ARRDC2: variants seen among roughly 807,000 people sequenced by gnomAD.
The protein encoded by ARRDC2 is arrestin domain-containing protein 2.
In ARRDC2, 39 loss-of-function variants were observed where a neutral mutation model predicts 38.9. That is an observed-to-expected ratio of 1.00 (90% CI 0.78 to 1.31). The LOEUF (loss-of-function observed/expected upper bound fraction) is 1.31. Among genes scored for constraint, ARRDC2 ranks in the 50% most tolerant of loss-of-function variants. ARRDC2 has a pLI of 0.00. For synonymous variants in ARRDC2, 300 were observed against 261.9 expected, an observed-to-expected ratio of 1.15 and a Z score of -1.41; for missense variants, 553 against 588.4, an observed-to-expected ratio of 0.94 and a Z score of 0.62.
At chr19:18,011,140 G>A (rs2033403672) in intron 7 of ARRDC2, among the ~76,000 whole-genome samples, 1 of 152,184 alleles carries the variant, frequency 6.6e-6, no homozygotes. Context: ...TGGGATTACA[G>A]GTGTTAGCCA....
At position 18,008,403 on chromosome 19, in the gene ARRDC2, G is replaced by A. The variant is rs2033328102; in HGVS notation, c.93G>A (p.Ala31=). The change falls in exon 1 of 8, where the codon GCG becomes GCA. Residue 31 remains alanine (A), a synonymous_variant. Coordinates refer to ENST00000222250, the MANE Select transcript of ARRDC2 (RefSeq NM_015683.2). ...TGTTTAGCGGCGGCCAGGCCGTGGCGGGCCGGGTGCTGCTGGAGCTGTCAA... is the reference window on the plus strand; with the variant it reads ...TGTTTAGCGGCGGCCAGGCCGTGGCAGGCCGGGTGCTGCTGGAGCTGTCAA... ...EPVFSGGQAV[A]GRVLLELSSA... is the part of the protein sequence containing the mutation. The A allele has an allele frequency of 1.3e-6, 2 of 1,594,776 alleles. No homozygotes were observed. The highest frequency in any genetic ancestry group is 2.7e-5 in the African/African-American group (2 of 74,490).
chr19:18,007,387 G>C (rs1215886429), upstream of ARRDC2: 3 of 152,376 alleles, frequency 2.0e-5, no homozygotes, highest in Non-Finnish European at 1.5e-5. Context: ...GTTTGCCAGA[G>C]GCTGAAAATT....
chr19:18,008,121 A>AAAAAAACCGCCCCCCCCCCCC, upstream of ARRDC2: 1 of 364,080 alleles, frequency 2.7e-6, no homozygotes, highest in Non-Finnish European at 4.2e-6. Flanking sequence ...CGGTGACCCC[A>AAAAAAACCGCCCCCCCCCCCC]CCCCCCCCCG....
At chr19:18,008,041 T>C (rs951240892), upstream of ARRDC2, 3 of 966,980 alleles carry the variant, frequency 3.1e-6, no homozygotes, top group Non-Finnish European at 4.2e-6. Context: ...GTTATTTTGC[T>C]CCACGCCTGG....
upstream of ARRDC2, among the ~76,000 whole-genome samples, chr19:18,004,984 CA>C (rs1165390317): frequency 4.9e-4 from 66 of 134,088 alleles, 1 homozygote; most frequent in Admixed American, 9.7e-4. Context: ...GATCCTGTCT[CA>C]AAAAAAAAAA....
At position 18,013,110 on chromosome 19, in the gene ARRDC2, G is replaced by A. The variant is rs1379751338; in HGVS notation, c.*144G>A. On this transcript the variant is annotated 3_prime_UTR_variant, in exon 8 of 8. Coordinates refer to ENST00000222250, the MANE Select transcript of ARRDC2 (RefSeq NM_015683.2). ...TCTCAGAGTGAGGCGGGGGCCTTTC[G>A]GATATCACATGGGACAGAGGAAGAG... The A allele has an allele frequency of 7.4e-6, 6 of 808,098 alleles. No homozygotes were observed. In the Admixed American group the frequency reaches 7.5e-5, roughly 10 times the overall value. The allele number at this position is 808,098 out of a possible 1,614,324, so 50.1% of individuals were successfully genotyped here.
At chr19:18,001,371 C>T in exon 1 of ARRDC2, 4 of 1,202,500 alleles carry the variant, frequency 3.3e-6, no homozygotes, top group Non-Finnish European at 4.1e-6. Flanking sequence ...GCCCGGGCGG[C>T]GCCTACCGCG....
At chr19:18,007,913 C>A, upstream of ARRDC2, 1 of 307,928 alleles carries the variant, frequency 3.2e-6, no homozygotes, top group Non-Finnish European at 6.0e-6. Context: ...CTCTGCACCT[C>A]TTTTTTTCCT....
intron 7 of ARRDC2, 97 bp from the exon 8 acceptor site, chr19:18,012,816 T>G (rs1599403184): frequency 7.5e-7 from 1 of 1,330,532 alleles, no homozygotes; most frequent in East Asian, 2.4e-5. Context: ...TCATCCCTGG[T>G]CAAGGGCGGG....
chr19:18,004,245 C>CTT (rs34248029), upstream of ARRDC2, among the ~76,000 whole-genome samples: 5,356 of 114,720 alleles, frequency 0.047, 212 homozygotes, highest in East Asian at 0.12. Flanking sequence ...GCCGGGCTAA[C>CTT]TTTTTTTTTT....
In ARRDC2 at chr19:18,009,881, G is replaced by A; in HGVS notation, c.691G>A (p.Gly231Ser). 1 of 1,611,160 alleles carries A rather than the reference G, an allele frequency of 6.2e-7. No individual in the cohort carries two copies. The highest frequency in any genetic ancestry group is 1.7e-5 in the Admixed American group (1 of 60,002). Residue 231 changes from glycine (G) to serine (S), a missense_variant, in exon 5 of 8, where the codon GGC becomes AGC. Coordinates refer to ENST00000222250, the MANE Select transcript of ARRDC2 (RefSeq NM_015683.2). ...VVQTQTFMAR[G>S]ARKQKRAVVA... Reference sequence around the variant, plus strand: ...GCAGACACAGACGTTCATGGCCCGAGGCGCCCGAAAGCAGAAACGGGCAGT... The same window carrying A: ...GCAGACACAGACGTTCATGGCCCGAAGCGCCCGAAAGCAGAAACGGGCAGT...
At chr19:18,008,134 C>CCCCCCCCAAAAAAA, upstream of ARRDC2, 1 of 1,301,148 alleles carries the variant, frequency 7.7e-7, no homozygotes, top group Non-Finnish European at 9.9e-7. Flanking sequence ...CCCCCCCGCC[C>CCCCCCCCAAAAAAA]TGCCGTATAA....
Position 18,008,982 on chromosome 19 carries a change from C to T in ARRDC2, c.353C>T (p.Thr118Ile). 1.9e-6 allele frequency: 3 copies of T among 1,613,694 alleles called. No homozygotes were observed. The highest frequency in any genetic ancestry group is 2.2e-5 in the East Asian group (1 of 44,874). ...FSFQLPPTLV[T>I]SFEGKHGSVR... Reference sequence around the variant, plus strand: ...TCCCTCCACCCTAGGACCCTGGTGACATCCTTCGAGGGCAAACACGGTAGT... The same window carrying T: ...TCCCTCCACCCTAGGACCCTGGTGATATCCTTCGAGGGCAAACACGGTAGT... The change falls in exon 3 of 8, where the codon ACA (threonine) becomes ATA (isoleucine). Residue 118 changes from threonine to isoleucine, a missense_variant. Transcript: ENST00000222250.
upstream of ARRDC2, among the ~76,000 whole-genome samples, chr19:18,006,228 G>A (rs913254846): frequency 1.3e-5 from 2 of 151,930 alleles, no homozygotes; most frequent in African/African-American, 2.4e-5. Context: ...ACGGGGTGGC[G>A]GCCGGGCAGA....
upstream of ARRDC2, chr19:18,008,120 C>CCCCCCCCCCCCCCCCCCCCGGTG: frequency 1.7e-6 from 1 of 572,700 alleles, no homozygotes; most frequent in Non-Finnish European, 2.6e-6. Flanking sequence ...ACGGTGACCC[C>CCCCCCCCCCCCCCCCCCCCGGTG]ACCCCCCCCC....
chr19:18,009,160 G>A (rs1390510861), intron 3 of ARRDC2, 42 bp downstream of exon 3: 3 of 1,604,530 alleles, frequency 1.9e-6, no homozygotes, highest in Non-Finnish European at 2.6e-6. Context: ...GAGTATTGTA[G>A]GAAGGGGCCT....
chr19:18,010,379 C>A (rs1307405871), intron 6 of ARRDC2, 21 bp downstream of exon 6: 4 of 1,601,262 alleles, frequency 2.5e-6, no homozygotes, highest in Non-Finnish European at 3.4e-6. Flanking sequence ...ACCCTGCTTG[C>A]ATGCAGAGGG....
chr19:18,002,405 G>T (rs2033200264), intron 1 of ARRDC2, among the ~76,000 whole-genome samples: 1 of 152,210 alleles, frequency 6.6e-6, no homozygotes, highest in African/African-American at 2.4e-5. Flanking sequence ...CCACGCAGCT[G>T]GTCACCAGCG....
At chr19:18,006,065 G>T (rs1440392861), upstream of ARRDC2, among the ~76,000 whole-genome samples, 1 of 151,808 alleles carries the variant, frequency 6.6e-6, no homozygotes, top group Non-Finnish European at 1.5e-5. Flanking sequence ...TTCGTAGATG[G>T]GATGGCGGCC....
Sources: allele counts gnomAD v4.1 joint callset (sites outside exome capture counted in the v4.1 genomes callset), GRCh38; gene constraint gnomAD v4.1.1; transcripts MANE v1.5; gene names NCBI Gene and HGNC (gene_info 2026-07-23, HGNC 2026-07-21).